SLC4A4: variants seen among roughly 807,000 people sequenced by gnomAD.
SLC4A4 encodes electrogenic sodium bicarbonate cotransporter 1.
A neutral mutation model predicts 111.5 loss-of-function variants in SLC4A4; 27 were observed. The observed-to-expected ratio is 0.24, with a 90% CI of 0.18 to 0.33. SLC4A4 has a LOEUF of 0.33. SLC4A4 is among the 10% of genes least tolerant of loss of function. The pLI is 1.00. For synonymous variants in SLC4A4, 443 were observed against 463.4 expected, an observed-to-expected ratio of 0.96 and a Z score of 0.57; for missense variants, 909 against 1,315.5, an observed-to-expected ratio of 0.69 and a Z score of 4.78.
At chr4:71,431,557 G>C (rs1291597342) in intron 7 of SLC4A4, among the ~76,000 whole-genome samples, 1 of 152,092 alleles carries the variant, frequency 6.6e-6, no homozygotes, top group South Asian at 2.1e-4. Context: ...CCGAATTTTT[G>C]TGGGCATTTT....
intron 3 of SLC4A4, among the ~76,000 whole-genome samples, chr4:71,286,921 G>GTT (rs199676655): frequency 1.4e-5 from 2 of 146,274 alleles, no homozygotes; most frequent in Admixed American, 6.8e-5. Context: ...ATTATTATGA[G>GTT]TTTTTTTTTT....
At chr4:71,354,901 C>T (rs562526343) in intron 5 of SLC4A4, among the ~76,000 whole-genome samples, 1 of 152,254 alleles carries the variant, frequency 6.6e-6, no homozygotes, top group Non-Finnish European at 1.5e-5. Flanking sequence ...CTGCTATCAT[C>T]TAGTGTTGGC....
chr4:71,283,258 G>C (rs1723669172), intron 3 of SLC4A4, among the ~76,000 whole-genome samples: 1 of 152,114 alleles, frequency 6.6e-6, no homozygotes, highest in Non-Finnish European at 1.5e-5. Flanking sequence ...TGAAGCATTT[G>C]AATGAAAAGC....
At chr4:71,216,461 G>T (rs1023800669) in intron 1 of SLC4A4, among the ~76,000 whole-genome samples, 22 of 152,112 alleles carry the variant, frequency 1.4e-4, no homozygotes, top group African/African-American at 5.3e-4. Context: ...CCATTTCCAT[G>T]CCTCAGCCAT....
chr4:71,512,070 G>A (rs556738307), intron 16 of SLC4A4, among the ~76,000 whole-genome samples: 5 of 152,122 alleles, frequency 3.3e-5, no homozygotes, highest in Non-Finnish European at 5.9e-5. Context: ...ATGGTGCTGC[G>A]GTAAACACGT....
intron 7 of SLC4A4, among the ~76,000 whole-genome samples, chr4:71,423,523 G>T (rs1239476691): frequency 6.6e-6 from 1 of 152,038 alleles, no homozygotes; most frequent in African/African-American, 2.4e-5. Context: ...AAAAGAGCCC[G>T]CATCGCCAAG....
chr4:71,175,211 G>T (rs1239619528), intron 2 of SLC4A4, among the ~76,000 whole-genome samples: 2 of 152,194 alleles, frequency 1.3e-5, no homozygotes, highest in African/African-American at 4.8e-5. Flanking sequence ...AAAAGTGGGG[G>T]TGGAGCCAAG....
chr4:71,486,807 A>C, intron 14 of SLC4A4, 141 bp from the exon 15 acceptor site: 2 of 550,718 alleles, frequency 3.6e-6, no homozygotes, highest in Non-Finnish European at 6.6e-6. Flanking sequence ...ATTTATAATA[A>C]ATAAAAATTC....
intron 2 of SLC4A4, among the ~76,000 whole-genome samples, chr4:71,110,803 T>C (rs925313308): frequency 2.6e-5 from 4 of 152,200 alleles, no homozygotes; most frequent in African/African-American, 9.6e-5. Context: ...TAATGGGCTC[T>C]TCAGTTTGAA....
At chr4:71,274,215 A>G (rs925886516) in intron 3 of SLC4A4, among the ~76,000 whole-genome samples, 1 of 152,196 alleles carries the variant, frequency 6.6e-6, no homozygotes, top group African/African-American at 2.4e-5. Context: ...TATATTTACT[A>G]CTGATTAAGT....
intron 5 of SLC4A4, among the ~76,000 whole-genome samples, chr4:71,356,374 G>A (rs1444285823): frequency 6.6e-6 from 1 of 152,020 alleles, no homozygotes; most frequent in Non-Finnish European, 1.5e-5. Context: ...ACTTTAAAAT[G>A]CCCAATGGAA....
At chr4:71,180,870 AT>A (rs1174934234) in intron 2 of SLC4A4, among the ~76,000 whole-genome samples, 1 of 152,172 alleles carries the variant, frequency 6.6e-6, no homozygotes, top group African/African-American at 2.4e-5. Context: ...TACTGGCTAT[AT>A]ACCCAAGGAT....
intron 14 of SLC4A4, among the ~76,000 whole-genome samples, chr4:71,476,944 T>A (rs9291201): frequency 0.057 from 8,711 of 151,814 alleles, 304 homozygotes; most frequent in Non-Finnish European, 0.084. Flanking sequence ...CCCACTGTAC[T>A]TTGATGATTA....
At chr4:71,466,016 G>A (rs1231181904) in intron 12 of SLC4A4, among the ~76,000 whole-genome samples, 2 of 152,072 alleles carry the variant, frequency 1.3e-5, no homozygotes, top group East Asian at 3.9e-4. Flanking sequence ...GAGAGCTACT[G>A]ATAAGTGCCT....
chr4:71,094,888 TTA>T (rs1380718532), intron 2 of SLC4A4, among the ~76,000 whole-genome samples: 1 of 152,176 alleles, frequency 6.6e-6, no homozygotes, highest in Admixed American at 6.5e-5. Flanking sequence ...TTGATTTTTG[TTA>T]TATATATACA....
chr4:71,521,431 A>G (rs1199611991), intron 16 of SLC4A4, among the ~76,000 whole-genome samples: 2 of 151,952 alleles, frequency 1.3e-5, no homozygotes, highest in Non-Finnish European at 2.9e-5. Flanking sequence ...ATGGGGTGTT[A>G]CTGTGTCGCC....
At chr4:71,076,304 G>A (rs990357755) in intron 1 of SLC4A4, among the ~76,000 whole-genome samples, 4 of 152,088 alleles carry the variant, frequency 2.6e-5, no homozygotes, top group African/African-American at 9.7e-5. Context: ...GCTGAGCTGG[G>A]CGGATCAACG....
upstream of SLC4A4, among the ~76,000 whole-genome samples, chr4:71,186,129 AT>A: frequency 6.6e-6 from 1 of 152,278 alleles, no homozygotes; most frequent in East Asian, 1.9e-4. Flanking sequence ...GATCACTGAT[AT>A]ATTATTTGCT....
Sources: gnomAD v4.1 joint callset for allele counts (sites outside exome capture counted in the v4.1 genomes callset) on GRCh38, gnomAD v4.1.1 for gene constraint, MANE v1.5 for transcripts, NCBI Gene and HGNC (gene_info 2026-07-23, HGNC 2026-07-21) for gene names.